The following FSTL4 variants were observed in gnomAD, a reference collection of about 807,000 sequenced individuals.
The protein encoded by FSTL4 is follistatin like 4.
A neutral mutation model predicts 78.2 loss-of-function variants in FSTL4; 28 were observed. That is an observed-to-expected ratio of 0.36 (90% CI 0.27 to 0.49). FSTL4 has a LOEUF of 0.49. FSTL4 is among the 20% of genes least tolerant of loss of function. The pLI is 0.98. For synonymous variants in FSTL4, 422 were observed against 440.5 expected, an observed-to-expected ratio of 0.96 and a Z score of 0.53; for missense variants, 922 against 1,084.9, an observed-to-expected ratio of 0.85 and a Z score of 2.11.
rs73277992 is a variant in FSTL4 at position 133,243,524 on chromosome 5, C to G, written c.894+5886G>C. Among the ~76,000 whole-genome samples the G allele has an allele frequency of 6.3e-3, 966 of 152,328 alleles. 15 individuals carry two copies. The highest frequency in any genetic ancestry group is 0.022 in the African/African-American group (928 of 41,572). ...TCCACTGGGGCCTGGGAACTACAGACAGCCCCACAGCAAAGATTTGGAATT... is the reference window on the plus strand; with the variant it reads ...TCCACTGGGGCCTGGGAACTACAGAGAGCCCCACAGCAAAGATTTGGAATT... On this transcript the variant is annotated intron_variant, in intron 7 of 15. Transcript: ENST00000265342.
chr5:133,768,643 G>A, the FSTL4 span, among the ~76,000 whole-genome samples: 1 of 152,196 alleles, frequency 6.6e-6, no homozygotes, highest in Non-Finnish European at 1.5e-5. Context: ...GTTTCATTCT[G>A]TGTAAAGTTT....
intron 5 of FSTL4, 148 bp downstream of exon 5, chr5:133,316,311 G>GTGGCTGGT: frequency 1.7e-6 from 1 of 601,824 alleles, no homozygotes. Flanking sequence ...GAGGCTAAAG[G>GTGGCTGGT]TGGCTGGTGG....
chr5:133,527,654 A>G (rs992251241), intron 3 of FSTL4, among the ~76,000 whole-genome samples: 2 of 152,250 alleles, frequency 1.3e-5, no homozygotes, highest in Non-Finnish European at 2.9e-5. Context: ...TCAGAGTAGC[A>G]AGAGTCATTC....
In FSTL4 at chr5:133,444,240, A is replaced by G. The variant is rs146482214; in HGVS notation, c.161-43254T>C. On this transcript the variant is annotated intron_variant, in intron 3 of 15. Transcript: ENST00000265342. ...CAGATAGGTAGGCACCTTCTTGCCC[A>G]CAGTCCCCATGGGAGGATTCGCCCT... Among the ~76,000 whole-genome samples the G allele has an allele frequency of 4.9e-4, 75 of 152,350 alleles. 1 individual carries two copies. The highest frequency in any genetic ancestry group is 1.8e-3 in the African/African-American group (74 of 41,580).
At chr5:133,384,740 T>G (rs1755658547) in intron 4 of FSTL4, among the ~76,000 whole-genome samples, 1 of 152,190 alleles carries the variant, frequency 6.6e-6, no homozygotes. Flanking sequence ...TTTAAAACCC[T>G]AGAATGCTGC....
chr5:133,638,473 C>T, the FSTL4 span, among the ~76,000 whole-genome samples: 1 of 152,170 alleles, frequency 6.6e-6, no homozygotes, highest in African/African-American at 2.4e-5. Context: ...TCTCCCTCTG[C>T]TGCAGCTCCA....
the FSTL4 span, among the ~76,000 whole-genome samples, chr5:133,785,050 G>C: frequency 0.011 from 1,614 of 152,226 alleles, 32 homozygotes; most frequent in African/African-American, 0.037. Context: ...ACACATTCCT[G>C]CTCCTCTGAG....
chr5:133,559,208 A>G (rs1759862531), intron 3 of FSTL4, among the ~76,000 whole-genome samples: 1 of 152,246 alleles, frequency 6.6e-6, no homozygotes, highest in African/African-American at 2.4e-5. Context: ...CTCACAGATA[A>G]TTAACCCCAG....
the FSTL4 span, among the ~76,000 whole-genome samples, chr5:133,797,039 G>A: frequency 0.56 from 85,595 of 152,036 alleles, 25,230 homozygotes; most frequent in East Asian, 0.78. Context: ...AATGGAAAAA[G>A]CAAACTCTGT....
chr5:133,534,405 A>T (rs1759311772), intron 3 of FSTL4, among the ~76,000 whole-genome samples: 1 of 152,196 alleles, frequency 6.6e-6, no homozygotes, highest in Admixed American at 6.5e-5. Context: ...TCCAGGATAA[A>T]AAGTGGATCT....
the FSTL4 span, among the ~76,000 whole-genome samples, chr5:133,629,050 A>G: frequency 6.8e-6 from 1 of 147,976 alleles, no homozygotes; most frequent in Non-Finnish European, 1.5e-5. Context: ...GTCTTCTGCC[A>G]GTTTTCAAAG....
At chr5:133,624,849 T>C in the FSTL4 span, among the ~76,000 whole-genome samples, 1 of 151,804 alleles carries the variant, frequency 6.6e-6, no homozygotes. Flanking sequence ...TATTTTAATT[T>C]TGGTGGGAAT....
intron 4 of FSTL4, among the ~76,000 whole-genome samples, chr5:133,333,301 TG>T (rs1754390043): frequency 6.6e-6 from 1 of 152,238 alleles, no homozygotes; most frequent in South Asian, 2.1e-4. Context: ...GTGAGAGGCC[TG>T]GGGCCCCGGG....
chr5:133,648,300 A>G, the FSTL4 span, among the ~76,000 whole-genome samples: 4 of 152,366 alleles, frequency 2.6e-5, no homozygotes, highest in South Asian at 8.3e-4. Context: ...AAATAGTGCC[A>G]GAGCAAATGT....
the FSTL4 span, among the ~76,000 whole-genome samples, chr5:133,773,565 T>C: frequency 6.6e-6 from 1 of 152,208 alleles, no homozygotes; most frequent in Non-Finnish European, 1.5e-5. Context: ...AACAACGTGA[T>C]AGACCTCTCT....
rs141258239 is a variant in FSTL4, at chr5:133,215,636, A to T, written c.1608+1593T>A. On this transcript the variant is annotated intron_variant, in intron 13 of 15. Coordinates refer to ENST00000265342, the MANE Select transcript of FSTL4 (RefSeq NM_015082.2). ...TATTGCTGTAGTAACCAATTATTAG[A>T]GATTTGATGGCTTAAAACAACACAT... is the stretch of plus-strand genomic sequence containing the variant. Among the ~76,000 whole-genome samples, 224 of 152,286 alleles carry T rather than the reference A, an allele frequency of 1.5e-3. 1 individual carries two copies. The Middle Eastern group carries it at 0.017, about 12-fold the overall frequency.
chr5:133,287,678 G>A (rs1753166979), intron 6 of FSTL4, among the ~76,000 whole-genome samples: 1 of 152,188 alleles, frequency 6.6e-6, no homozygotes, highest in Admixed American at 6.5e-5. Context: ...TGACTGACCT[G>A]ACACTGTGGT....
intron 6 of FSTL4, among the ~76,000 whole-genome samples, chr5:133,283,332 C>T (rs1753054028): frequency 6.6e-6 from 1 of 152,126 alleles, no homozygotes; most frequent in Admixed American, 6.5e-5. Context: ...GAGACTCCAT[C>T]TGGTGGGGCT....
intron 3 of FSTL4, among the ~76,000 whole-genome samples, chr5:133,443,568 A>C (rs936553025): frequency 6.6e-6 from 1 of 152,198 alleles, no homozygotes; most frequent in African/African-American, 2.4e-5. Flanking sequence ...GATGTTCTCC[A>C]ATCTGAGCCT....
Sources: gnomAD v4.1 joint callset for allele counts (sites outside exome capture counted in the v4.1 genomes callset) on GRCh38, gnomAD v4.1.1 for gene constraint, MANE v1.5 for transcripts, NCBI Gene and HGNC (gene_info 2026-07-23, HGNC 2026-07-21) for gene names.